Variants in HTR1E observed in about 807,000 individuals in gnomAD.
The protein encoded by HTR1E is 5-HT-1E.
A neutral mutation model predicts 3.4 loss-of-function variants in HTR1E; 3 were observed. The observed-to-expected ratio is 0.89, with a 90% CI of 0.41 to 2.31. HTR1E has a LOEUF of 2.31. Among genes scored for constraint, HTR1E ranks in the 30% most tolerant of loss-of-function variants. The pLI, the probability that HTR1E is intolerant of heterozygous loss-of-function variation, is 0.05. For missense variants in HTR1E, 392 were observed against 467.0 expected (o/e 0.84, Z 1.48); for synonymous variants, 170 against 182.8 (o/e 0.93, Z 0.56).
At chr6:86,971,272 AATAAT>A (rs1230511318) in intron 1 of HTR1E, 6 of 319,796 alleles carry the variant, frequency 1.9e-5, no homozygotes, top group Non-Finnish European at 3.6e-5. Flanking sequence ...GTAAAATGAT[AATAAT>A]ATAACAGCAC....
chr6:86,939,573 A>G (rs1328603719), intron 1 of HTR1E, among the ~76,000 whole-genome samples: 1 of 152,234 alleles, frequency 6.6e-6, no homozygotes, highest in Admixed American at 6.5e-5. Flanking sequence ...GTCATTAGGT[A>G]TATGCATGTT....
intron 1 of HTR1E, among the ~76,000 whole-genome samples, chr6:87,008,540 G>A (rs1238256484): frequency 6.6e-6 from 1 of 152,178 alleles, no homozygotes; most frequent in Non-Finnish European, 1.5e-5. Context: ...CAATAGATTA[G>A]CTAAATTGGT....
intron 1 of HTR1E, among the ~76,000 whole-genome samples, chr6:86,967,906 G>C (rs892917602): frequency 2.6e-5 from 4 of 152,124 alleles, no homozygotes; most frequent in African/African-American, 9.7e-5. Context: ...CTGAAGGAGA[G>C]GGGAGAGTTT....
chr6:86,962,554 C>G (rs185985077), intron 1 of HTR1E, among the ~76,000 whole-genome samples: 1 of 152,166 alleles, frequency 6.6e-6, no homozygotes, highest in Non-Finnish European at 1.5e-5. Flanking sequence ...AAGCATATCA[C>G]AGGCTGGGTG....
chr6:86,971,698 A>AT (rs1262973998), intron 1 of HTR1E, among the ~76,000 whole-genome samples: 14 of 152,084 alleles, frequency 9.2e-5, no homozygotes, highest in Admixed American at 2.6e-4. Context: ...AAATCATTTT[A>AT]TTTTTTAATT....
rs573134579 is a variant in HTR1E at position 87,016,052 on chromosome 6, C to T, written c.718C>T (p.Gln240Ter). 1 of 1,614,214 alleles carries T rather than the reference C, an allele frequency of 6.2e-7. No individual in the cohort carries two copies. Among genetic ancestry groups the T allele is most frequent in the Non-Finnish European group, 8.5e-7 (1 of 1,180,034 alleles). ...QNSFASCKLT[Q>*]TFCVSDFSTS... ...TTCTTTTGCAAGTTGTAAACTTACA[C>T]AGACTTTCTGTGTGTCTGACTTCTC... is the stretch of plus-strand genomic sequence containing the variant. Residue 240 changes from glutamine (Q) to a stop codon, truncating the protein, a stop_gained, in exon 2 of 2, where the codon CAG becomes TAG. Coordinates refer to ENST00000305344, the MANE Select transcript of HTR1E (RefSeq NM_000865.3). LOFTEE classifies it low-confidence loss of function (END_TRUNC).
At chr6:86,979,958 C>T (rs368123345) in intron 1 of HTR1E, among the ~76,000 whole-genome samples, 5 of 152,028 alleles carry the variant, frequency 3.3e-5, no homozygotes, top group South Asian at 2.1e-4. Flanking sequence ...AAAGGAGCCC[C>T]GGAAATAAAT....
chr6:86,977,004 C>T (rs1767647895), intron 1 of HTR1E, among the ~76,000 whole-genome samples: 2 of 152,078 alleles, frequency 1.3e-5, no homozygotes, highest in Admixed American at 6.6e-5. Context: ...CTATTAACTA[C>T]CTTTATTGTG....
At chr6:87,012,257 A>G (rs1283728172) in intron 1 of HTR1E, among the ~76,000 whole-genome samples, 5 of 152,174 alleles carry the variant, frequency 3.3e-5, no homozygotes, top group Non-Finnish European at 5.9e-5. Context: ...GGTTGGGGTT[A>G]GAGAAAGTCT....
At chr6:86,952,982 A>G (rs1767267854) in intron 1 of HTR1E, among the ~76,000 whole-genome samples, 1 of 152,160 alleles carries the variant, frequency 6.6e-6, no homozygotes, top group South Asian at 2.1e-4. Context: ...TATTGTTGGG[A>G]TGGGTTCCTT....
chr6:86,947,907 G>A (rs937901197), intron 1 of HTR1E, among the ~76,000 whole-genome samples: 1 of 151,876 alleles, frequency 6.6e-6, no homozygotes, highest in Non-Finnish European at 1.5e-5. Context: ...TGATACATAC[G>A]CAGAATGTGC....
chr6:87,016,159 A>G lies in HTR1E; in HGVS notation c.825A>G (p.Pro275=), dbSNP rs766197904. The change falls in exon 2 of 2, where the codon CCA becomes CCG. Residue 275 remains proline (P), a synonymous_variant. Coordinates refer to ENST00000305344, the MANE Select transcript of HTR1E (RefSeq NM_000865.3). ...CCTTCGACAATGATCTAGATCACCCAGGAGAACGTCAGCAGATCTCTAGCA... is the reference window on the plus strand; with the variant it reads ...CCTTCGACAATGATCTAGATCACCCGGGAGAACGTCAGCAGATCTCTAGCA... The part of the protein sequence containing the change: ...IPPFDNDLDH[P]GERQQISSTR... 3 of 1,614,162 alleles carry G rather than the reference A, an allele frequency of 1.9e-6. No homozygotes were observed. The East Asian group carries it at 6.7e-5, about 36-fold the overall frequency.
chr6:87,010,078 T>G (rs1768186630), intron 1 of HTR1E, among the ~76,000 whole-genome samples: 1 of 125,764 alleles, frequency 8.0e-6, no homozygotes, highest in African/African-American at 3.2e-5. Context: ...CCCACCTCCC[T>G]CCCGGACGGG....
chr6:86,954,359 A>T (rs1160392495), intron 1 of HTR1E, among the ~76,000 whole-genome samples: 3 of 152,196 alleles, frequency 2.0e-5, no homozygotes, highest in African/African-American at 7.2e-5. Flanking sequence ...CAAGGTATGT[A>T]TATAAGACCC....
chr6:86,966,391 T>C (rs1250588688), intron 1 of HTR1E, among the ~76,000 whole-genome samples: 1 of 152,196 alleles, frequency 6.6e-6, no homozygotes, highest in African/African-American at 2.4e-5. Flanking sequence ...ATCCAATGAC[T>C]GAGGCACTGT....
At chr6:86,973,953 G>A (rs865864908) in intron 1 of HTR1E, among the ~76,000 whole-genome samples, 13 of 152,200 alleles carry the variant, frequency 8.5e-5, no homozygotes, top group Middle Eastern at 3.4e-3. Flanking sequence ...AAGTCCACAC[G>A]GCCCATGTGT....
At chr6:86,989,254 T>G (rs1322534331) in intron 1 of HTR1E, among the ~76,000 whole-genome samples, 1 of 152,206 alleles carries the variant, frequency 6.6e-6, no homozygotes, top group Non-Finnish European at 1.5e-5. Context: ...CCTTTTTGCC[T>G]GTCTTCCTGA....
At chr6:86,972,931 C>A (rs1214971990) in intron 1 of HTR1E, among the ~76,000 whole-genome samples, 1 of 152,150 alleles carries the variant, frequency 6.6e-6, no homozygotes, top group Non-Finnish European at 1.5e-5. Context: ...GTTCCCAGAG[C>A]AGGCAGATTA....
chr6:87,012,632 G>A (rs930856552), intron 1 of HTR1E, among the ~76,000 whole-genome samples: 7 of 152,132 alleles, frequency 4.6e-5, no homozygotes, highest in African/African-American at 1.4e-4. Flanking sequence ...AGAGTTTGTG[G>A]GATGAAATCT....
Sources: allele counts gnomAD v4.1 joint callset (sites outside exome capture counted in the v4.1 genomes callset), GRCh38; gene constraint gnomAD v4.1.1; transcripts MANE v1.5; gene names NCBI Gene and HGNC (gene_info 2026-07-23, HGNC 2026-07-21).